The following TPRN variants were observed in gnomAD, a reference collection of about 807,000 sequenced individuals.
TPRN encodes the protein taperin.
TPRN carries 32 observed loss-of-function variants against 42.6 expected under a neutral mutation model. The observed-to-expected ratio is 0.75, with a 90% CI of 0.57 to 1.01. The LOEUF (loss-of-function observed/expected upper bound fraction) is 1.01. Ranked by LOEUF, TPRN falls within the 50% of genes least tolerant of loss-of-function variation. The pLI, the probability that TPRN is intolerant of heterozygous loss-of-function variation, is 0.00. For missense variants in TPRN, 1,095 were observed against 957.5 expected (o/e 1.14, Z -1.90); for synonymous variants, 541 against 445.6 (o/e 1.21, Z -2.70).
chr9:137,200,047 G>C lies in TPRN; in HGVS notation c.665C>G (p.Ser222Cys). ...LHRGAGARLL[S>C]NGHSAPEPRA... is the part of the protein sequence containing the mutation. ...GGGCTCAGGGGCCGAGTGCCCGTTGGAGAGCAGGCGGGCGCCCGCGCCGCG... is the reference window on the plus strand; with the variant it reads ...GGGCTCAGGGGCCGAGTGCCCGTTGCAGAGCAGGCGGGCGCCCGCGCCGCG... The change falls in exon 1 of 4, where the codon TCC (serine) becomes TGC (cysteine). Residue 222 changes from serine to cysteine, a missense_variant. By Grantham distance (112) the Ser-to-Cys change is moderately radical. Transcript: ENST00000409012. This position sits in a 1 kb window ranked among gnomAD's most constrained non-coding sequence, Gnocchi z 4.3. 7.0e-7 allele frequency: 1 copy of C among 1,435,734 alleles called. No homozygotes were observed. Among genetic ancestry groups the C allele is most frequent in the Non-Finnish European group, 9.1e-7 (1 of 1,101,500 alleles). The allele number at this position is 1,435,734 out of a possible 1,614,324, so 88.9% of individuals were successfully genotyped here.
chr9:137,200,026 T>C lies in TPRN; in HGVS notation c.686A>G (p.Glu229Gly), dbSNP rs2131354835. The C allele has an allele frequency of 6.9e-7, 1 of 1,441,576 alleles. No homozygotes were observed. 89.3% of individuals were successfully genotyped at this position (1,441,576 alleles called of 1,614,324 possible). Residue 229 changes from glutamate to glycine, a missense_variant, in exon 1 of 4, where the codon GAG becomes GGG. Transcript: ENST00000409012. The surrounding 1 kb of genome is among the most constrained non-coding windows in gnomAD (Gnocchi z 4.3). ...RLLSNGHSAPEPRAGPANRLA... is the reference protein window; with the variant it reads ...RLLSNGHSAPGPRAGPANRLA... Reference sequence around the variant, plus strand: ...GCGGTTGGCAGGGCCGGCCCGGGGCTCAGGGGCCGAGTGCCCGTTGGAGAG... The same window carrying C: ...GCGGTTGGCAGGGCCGGCCCGGGGCCCAGGGGCCGAGTGCCCGTTGGAGAG...
intron 1 of TPRN, chr9:137,194,036 C>T (rs1354262569): frequency 1.3e-5 from 2 of 152,342 alleles, no homozygotes; most frequent in Non-Finnish European, 2.9e-5. Flanking sequence ...CCCCCAGCTT[C>T]CCCTCTCAGC....
intron 1 of TPRN, chr9:137,193,093 C>T: frequency 4.1e-6 from 1 of 246,390 alleles, no homozygotes; most frequent in South Asian, 5.5e-5. Context: ...AGAGCAGGAA[C>T]AGGGTGGAAA....
chr9:137,196,453 G>C (rs1290820232), intron 1 of TPRN, among the ~76,000 whole-genome samples: 2 of 152,190 alleles, frequency 1.3e-5, no homozygotes, highest in Non-Finnish European at 2.9e-5. Context: ...TGGGCATGGT[G>C]GCAGGCGCCT....
chr9:137,199,348 ACAGG>A lies in TPRN; in HGVS notation c.1360_1363del (p.Pro454SerfsTer7). The A allele has an allele frequency of 6.2e-7, 1 of 1,612,798 alleles. No individual in the cohort carries two copies. Among genetic ancestry groups the A allele is most frequent in the Non-Finnish European group, 8.5e-7 (1 of 1,180,012 alleles). On this transcript the variant is annotated frameshift_variant, in exon 1 of 4. Coordinates refer to ENST00000409012, the MANE Select transcript of TPRN (RefSeq NM_001128228.3). LOFTEE classifies it high-confidence loss of function. ...CGAGTCTACCTCATCGATGAAGGTG[ACAGG>A]CAGCCCCGGCCTCACATATTCCCGG...
At chr9:137,196,571 G>C (rs902377184) in intron 1 of TPRN, among the ~76,000 whole-genome samples, 1 of 152,130 alleles carries the variant, frequency 6.6e-6, no homozygotes, top group Non-Finnish European at 1.5e-5. Context: ...CTGGGCGACA[G>C]AGCAAGACTC....
Position 137,200,471 on chromosome 9 carries a change from C to T in TPRN, c.241G>A (p.Glu81Lys). Residue 81 changes from glutamate to lysine, a missense_variant, in exon 1 of 4, where the codon GAG (glutamate) becomes AAG (lysine). Coordinates refer to ENST00000409012, the MANE Select transcript of TPRN (RefSeq NM_001128228.3). This position sits in a 1 kb window ranked among gnomAD's most constrained non-coding sequence, Gnocchi z 4.3. Reference protein sequence around the residue: ...GGGAAGARLLERYRRVPGVRA... With the variant: ...GGGAAGARLLKRYRRVPGVRA... ...ACGCCAGGCACGCGGCGGTACCGCT[C>T]CAGCAGCCGCGCCCCCGCCGCGCCC... is the stretch of plus-strand genomic sequence containing the variant. The T allele has an allele frequency of 8.9e-7, 1 of 1,120,738 alleles. No homozygotes were observed. The highest frequency in any genetic ancestry group is 1.1e-6 in the Non-Finnish European group (1 of 918,144). The allele number at this position is 1,120,738 out of a possible 1,614,324, so 69.4% of individuals were successfully genotyped here. A position where few individuals can be genotyped will look rare whatever the true frequency, so the allele number is the denominator to read the frequency against.
chr9:137,200,596 G>A lies in TPRN; in HGVS notation c.116C>T (p.Pro39Leu), dbSNP rs893353042. The stretch of plus-strand genomic sequence containing the variant: ...CCGCTGCTCGGGCTCCGCCGCCCCG[G>A]GCCCCGCGCCCCCGCCCAGCGCGGC... ...KLAALGGGAG[P>L]GAAEPEQRVL... The change falls in exon 1 of 4, where the codon CCC (proline) becomes CTC (leucine). Residue 39 changes from proline (P) to leucine (L), a missense_variant. Physicochemically the swap from Pro to Leu is moderately conservative, Grantham distance 98. Coordinates refer to ENST00000409012, the MANE Select transcript of TPRN (RefSeq NM_001128228.3). The surrounding 1 kb of genome is among the most constrained non-coding windows in gnomAD (Gnocchi z 4.3). 801 of 1,156,230 alleles carry A rather than the reference G, an allele frequency of 6.9e-4. 1 individual carries two copies. Among genetic ancestry groups the A allele is most frequent in the Non-Finnish European group, 8.2e-4 (777 of 943,312 alleles). 71.6% of individuals were successfully genotyped at this position (1,156,230 alleles called of 1,614,324 possible).
chr9:137,197,508 G>C (rs1050056997), intron 1 of TPRN, among the ~76,000 whole-genome samples: 2 of 152,152 alleles, frequency 1.3e-5, no homozygotes, highest in Non-Finnish European at 2.9e-5. Flanking sequence ...AAGGGGAGGG[G>C]TTCTAGAAAC....
At chr9:137,197,243 C>T (rs900036756) in intron 1 of TPRN, among the ~76,000 whole-genome samples, 3 of 152,186 alleles carry the variant, frequency 2.0e-5, no homozygotes, top group Admixed American at 6.5e-5. Flanking sequence ...GGATTATAGG[C>T]GCCCGCCACC....
At chr9:137,193,661 A>G (rs1042688737) in intron 1 of TPRN, 2 of 152,368 alleles carry the variant, frequency 1.3e-5, no homozygotes, top group African/African-American at 4.8e-5. Flanking sequence ...TCCCTAATGA[A>G]TATGAGCGGC....
In TPRN at chr9:137,200,368, GC is replaced by G. The variant is rs1157402846; in HGVS notation, c.343del (p.Ala115ProfsTer335). 26 of 1,071,890 alleles carry G rather than the reference GC, an allele frequency of 2.4e-5. No individual in the cohort carries two copies. Among genetic ancestry groups the G allele is most frequent in the South Asian group, 1.9e-4 (6 of 30,842 alleles). 66.4% of individuals were successfully genotyped at this position (1,071,890 alleles called of 1,614,324 possible). A position where few individuals can be genotyped will look rare whatever the true frequency, so the allele number is the denominator to read the frequency against. On this transcript the variant is annotated frameshift_variant, in exon 1 of 4. Transcript: ENST00000409012. LOFTEE classifies it high-confidence loss of function. The surrounding 1 kb of genome is among the most constrained non-coding windows in gnomAD (Gnocchi z 4.3). The part of the protein sequence containing the change: ...GFPPAPPAPG[A>X]AQIRAAEVLV... The stretch of plus-strand genomic sequence containing the variant: ...CACCTCGGCGGCGCGGATCTGCGCG[GC>G]CCCCGGGGCGGGCGGCGCGGGCGGG...
At position 137,192,577 on chromosome 9, in the gene TPRN, C is replaced by T; in HGVS notation, c.1840G>A (p.Glu614Lys). 1 of 1,606,826 alleles carries T rather than the reference C, an allele frequency of 6.2e-7. No individual in the cohort carries two copies. The highest frequency in any genetic ancestry group is 8.5e-7 in the Non-Finnish European group (1 of 1,176,976). The change falls in exon 2 of 4, where the codon GAG becomes AAG. Residue 614 changes from glutamate (E) to lysine (K), a missense_variant. Coordinates refer to ENST00000409012, the MANE Select transcript of TPRN (RefSeq NM_001128228.3). ...DQQEEEEEEE[E>K]EEEEEEEGSG... Reference sequence around the variant, plus strand: ...CCCTCTTCCTCCTCTTCCTCTTCCTCCTCCTCCTCCTCCTCCTCCTCCTGC... The same window carrying T: ...CCCTCTTCCTCCTCTTCCTCTTCCTTCTCCTCCTCCTCCTCCTCCTCCTGC...
At chr9:137,196,918 T>G (rs528450996) in intron 1 of TPRN, among the ~76,000 whole-genome samples, 1 of 152,260 alleles carries the variant, frequency 6.6e-6, no homozygotes, top group Admixed American at 6.5e-5. Flanking sequence ...CCAGGTATCG[T>G]CCATCTGGAC....
Position 137,199,132 on chromosome 9 carries a change from C to T in TPRN, c.1580G>A (p.Arg527Gln), listed in dbSNP as rs765140443. ...FSQANREPRP[R>Q]EAEEEEASCL... is the part of the protein sequence containing the mutation. Reference sequence around the variant, plus strand: ...ACTAGCCTCCTCCTCCTCGGCCTCCCGTGGCCGAGGCTCCCTGTTGGCCTG... The same window carrying T: ...ACTAGCCTCCTCCTCCTCGGCCTCCTGTGGCCGAGGCTCCCTGTTGGCCTG... The change falls in exon 1 of 4, where the codon CGG becomes CAG. Residue 527 changes from arginine to glutamine, a missense_variant. Physicochemically the swap from Arg to Gln is conservative, Grantham distance 43. Coordinates refer to ENST00000409012, the MANE Select transcript of TPRN (RefSeq NM_001128228.3). 18 of 1,613,116 alleles carry T rather than the reference C, an allele frequency of 1.1e-5. No individual in the cohort carries two copies. The highest frequency in any genetic ancestry group is 1.6e-4 in the Middle Eastern group (1 of 6,082).
intron 1 of TPRN, chr9:137,192,898 C>T (rs1834648734): frequency 3.3e-6 from 2 of 603,236 alleles, no homozygotes; most frequent in Admixed American, 5.9e-5. Flanking sequence ...GTCAACCTCC[C>T]CTCCCCATTC....
At position 137,200,697 on chromosome 9, in the gene TPRN, C is replaced by G. The variant is rs547913294; in HGVS notation, c.15G>C (p.Gly5=). MAAL[G]RPGSGPRAAV... is the part of the protein sequence containing the mutation. ...CAGCGCGCGGCCCCGAGCCCGGCCGCCCCAGGGCGGCCATGCTGCGAACGC... is the reference window on the plus strand; with the variant it reads ...CAGCGCGCGGCCCCGAGCCCGGCCGGCCCAGGGCGGCCATGCTGCGAACGC... Residue 5 remains glycine, a synonymous_variant, in exon 1 of 4, where the codon GGG becomes GGC. Transcript: ENST00000409012. The surrounding 1 kb of genome is among the most constrained non-coding windows in gnomAD (Gnocchi z 4.3). 2.0e-5 allele frequency: 24 copies of G among 1,198,626 alleles called. No homozygotes were observed. The East Asian group carries it at 1.1e-3, about 55-fold the overall frequency. The allele number at this position is 1,198,626 out of a possible 1,614,324, so 74.2% of individuals were successfully genotyped here.
chr9:137,195,786 C>T (rs2131351020), intron 1 of TPRN, among the ~76,000 whole-genome samples: 1 of 152,290 alleles, frequency 6.6e-6, no homozygotes, highest in South Asian at 2.1e-4. Context: ...GGTGGTGCTC[C>T]ACGAAGAGGA....
chr9:137,198,996 T>C lies in TPRN; in HGVS notation c.1716A>G (p.Ser572=). Residue 572 remains serine (S), a synonymous_variant, in exon 1 of 4, where the codon TCA becomes TCG. Transcript: ENST00000409012. ...TGCCCCCACCACTGACCTTCTTTCT[T>C]GAGGAGCCAGCCTTGGTGAGGCAGG... The part of the protein sequence containing the change: ...QKSCLTKAGS[S]RKKMKISFND... 1 of 1,612,962 alleles carries C rather than the reference T, an allele frequency of 6.2e-7. No homozygotes were observed. Among genetic ancestry groups the C allele is most frequent in the Non-Finnish European group, 8.5e-7 (1 of 1,179,970 alleles).
Sources: gnomAD v4.1 joint callset for allele counts (sites outside exome capture counted in the v4.1 genomes callset) on GRCh38, gnomAD v4.1.1 for gene constraint, Gnocchi (gnomAD v3.1) non-coding constraint, MANE v1.5 for transcripts, NCBI Gene and HGNC (gene_info 2026-07-23, HGNC 2026-07-21) for gene names.